The following RNF10 variants were observed in gnomAD, a reference collection of about 807,000 sequenced individuals.
RNF10 encodes the protein ring finger protein 10, also known as E3 ubiquitin-protein ligase RNF10.
A neutral mutation model predicts 91.4 loss-of-function variants in RNF10; 38 were observed. That is an observed-to-expected ratio of 0.42 (90% CI 0.32 to 0.54). The LOEUF is 0.54. Ranked by LOEUF, RNF10 falls within the 20% of genes least tolerant of loss-of-function variation. RNF10 has a pLI of 0.16. For synonymous variants in RNF10, 364 were observed against 366.3 expected, an observed-to-expected ratio of 0.99 and a Z score of 0.07; for missense variants, 945 against 1,012.0, an observed-to-expected ratio of 0.93 and a Z score of 0.90.
At chr12:120,563,186 C>T (rs921962357) in intron 8 of RNF10, 116 bp downstream of exon 8, 8 of 1,515,966 alleles carry the variant, frequency 5.3e-6, no homozygotes, top group African/African-American at 1.4e-5. Context: ...TGAGTATTTT[C>T]TGTATGCTTG....
At chr12:120,547,155 A>G (rs1872462828) in intron 2 of RNF10, among the ~76,000 whole-genome samples, 1 of 152,210 alleles carries the variant, frequency 6.6e-6, no homozygotes, top group East Asian at 1.9e-4. Context: ...AATAAGACAG[A>G]TAAAAAAAAT....
intron 16 of RNF10, 55 bp from the exon 17 acceptor site, chr12:120,576,535 C>G: frequency 6.3e-7 from 1 of 1,586,610 alleles, no homozygotes; most frequent in Non-Finnish European, 8.6e-7. Context: ...GAAAACTGGC[C>G]AGGGGACAAG....
Position 120,571,226 on chromosome 12 carries a change from C to G in RNF10, c.2077C>G (p.Gln693Glu), listed in dbSNP as rs1379450375. Reference sequence around the variant, plus strand: ...GACCCCTCTGTCACCCACTGCCAGTCAGGGCAGTCCCTCATTCTGCGTTGG... The same window carrying G: ...GACCCCTCTGTCACCCACTGCCAGTGAGGGCAGTCCCTCATTCTGCGTTGG... ...LLTPLSPTAS[Q>E]GSPSFCVGSL... is the part of the protein sequence containing the mutation. The change falls in exon 14 of 17, where the codon CAG (glutamine) becomes GAG (glutamate). Residue 693 changes from glutamine (Q) to glutamate (E), a missense_variant. Transcript: ENST00000325954. 9.3e-6 allele frequency: 15 copies of G among 1,613,866 alleles called. No individual in the cohort carries two copies. The highest frequency in any genetic ancestry group is 1.2e-5 in the Non-Finnish European group (14 of 1,179,890).
At chr12:120,563,646 C>T (rs1463602639) in intron 9 of RNF10, 23 bp downstream of exon 9, 2 of 1,579,624 alleles carry the variant, frequency 1.3e-6, no homozygotes, top group South Asian at 2.4e-5. Context: ...GAAGAGAGGG[C>T]TGGGTTGCCG....
intron 6 of RNF10, among the ~76,000 whole-genome samples, chr12:120,560,145 GTTTTTTTTGTTTTTT>G (rs2137216131): frequency 8.3e-6 from 1 of 120,012 alleles, no homozygotes; most frequent in East Asian, 2.8e-4. Flanking sequence ...TCTGTGTGTG[GTTTTTTTTGTTTTTT>G]TTTTTTTTGA....
chr12:120,575,705 G>C lies in RNF10; in HGVS notation c.2200+17G>C. 6.2e-7 allele frequency: 1 copy of C among 1,614,208 alleles called. No homozygotes were observed. Among genetic ancestry groups the C allele is most frequent in the Non-Finnish European group, 8.5e-7 (1 of 1,180,040 alleles). On this transcript the variant is annotated intron_variant, in intron 15 of 16. Coordinates refer to ENST00000325954, the MANE Select transcript of RNF10 (RefSeq NM_014868.5). ...CAAAGAAAGGTGAGGATGGTCCACT[G>C]GTGAAGGGGGAGTTTGGCTTCTTTC...
At chr12:120,561,832 A>G (rs1021083686) in intron 7 of RNF10, among the ~76,000 whole-genome samples, 2 of 152,206 alleles carry the variant, frequency 1.3e-5, no homozygotes, top group Non-Finnish European at 2.9e-5. Context: ...CAGGCATAAG[A>G]AAGGCTACAT....
At position 120,562,883 on chromosome 12, in the gene RNF10, C is replaced by T. The variant is rs575280398; in HGVS notation, c.1129-62C>T. On this transcript the variant is annotated intron_variant, in intron 7 of 16. Coordinates refer to ENST00000325954, the MANE Select transcript of RNF10 (RefSeq NM_014868.5). The stretch of plus-strand genomic sequence containing the variant: ...TGAGAGGCCATTCTAAGCCCTTGCC[C>T]TTCAAGCTAAGTGTGTGTCTGGAAA... 50 of 1,608,212 alleles carry T rather than the reference C, an allele frequency of 3.1e-5. No homozygotes were observed. In the African/African-American group the frequency reaches 6.0e-4, roughly 19 times the overall value.
chr12:120,557,411 A>G lies in RNF10; in HGVS notation c.775A>G (p.Thr259Ala). 6.2e-7 allele frequency: 1 copy of G among 1,614,190 alleles called. No individual in the cohort carries two copies. Reference sequence around the variant, plus strand: ...GCACTATCTTTCACTGAGTGAGAAGACGTGGAGTAAATGTCCCATCTGTTA... The same window carrying G: ...GCACTATCTTTCACTGAGTGAGAAGGCGTGGAGTAAATGTCCCATCTGTTA... ...ILHYLSLSEK[T>A]WSKCPICYSS... Residue 259 changes from threonine to alanine, a missense_variant, in exon 5 of 17, where the codon ACG (threonine) becomes GCG (alanine). Transcript: ENST00000325954.
At chr12:120,551,319 G>A (rs1433953091) in intron 2 of RNF10, among the ~76,000 whole-genome samples, 2 of 102,820 alleles carry the variant, frequency 1.9e-5, no homozygotes, top group Non-Finnish European at 3.9e-5. Flanking sequence ...TTTTGAAATG[G>A]AGTTTTGCTC....
intron 1 of RNF10, chr12:120,539,440 A>G: frequency 7.8e-7 from 1 of 1,288,428 alleles, no homozygotes; most frequent in Non-Finnish European, 1.0e-6. Context: ...GCCCCTCTGG[A>G]GGTGCTTGTC....
chr12:120,575,882 C>A lies in RNF10; in HGVS notation c.2291C>A (p.Ser764Tyr). The A allele has an allele frequency of 6.2e-7, 1 of 1,614,170 alleles. No individual in the cohort carries two copies. Among genetic ancestry groups the A allele is most frequent in the Non-Finnish European group, 8.5e-7 (1 of 1,180,030 alleles). ...GTTCCTGTGCCCAGTTTTCAAAATT[C>A]CTTCAGCCAAGCTATTGAAGCAGCC... ...DRVPVPSFQNSFSQAIEAAFM... is the reference protein window; with the variant it reads ...DRVPVPSFQNYFSQAIEAAFM... Residue 764 changes from serine to tyrosine, a missense_variant, in exon 16 of 17, where the codon TCC (serine) becomes TAC (tyrosine). Transcript: ENST00000325954.
rs181472536 is a variant in RNF10 at position 120,536,614 on chromosome 12, C to G, written c.157+1646C>G. On this transcript the variant is annotated intron_variant, in intron 1 of 16. Transcript: ENST00000325954. ...ATGTATGCAGACTGATTTTGCAGTT[C>G]TGCACATGCGTAGCTTTGCCATAGA... Among the ~76,000 whole-genome samples the G allele has an allele frequency of 1.0e-3, 156 of 152,324 alleles. 2 individuals are homozygous for G. In the East Asian group the frequency reaches 0.013, roughly 12 times the overall value.
At chr12:120,558,672 G>A (rs919239284) in intron 6 of RNF10, among the ~76,000 whole-genome samples, 1 of 150,686 alleles carries the variant, frequency 6.6e-6, no homozygotes, top group African/African-American at 2.4e-5. Context: ...GGGTTTGAGC[G>A]ATTCTCGTGC....
At chr12:120,555,474 A>G (rs1170235599) in intron 4 of RNF10, among the ~76,000 whole-genome samples, 1 of 142,156 alleles carries the variant, frequency 7.0e-6, no homozygotes, top group South Asian at 2.2e-4. Flanking sequence ...GAGCCACTCT[A>G]TCTGGCCCAG....
At position 120,557,678 on chromosome 12, in the gene RNF10, A is replaced by G. The variant is rs1285480228; in HGVS notation, c.963A>G (p.Leu321=). The G allele has an allele frequency of 1.2e-6, 2 of 1,614,176 alleles. No homozygotes were observed. The highest frequency in any genetic ancestry group is 3.3e-5 in the Admixed American group (2 of 60,016). Reference sequence around the variant, plus strand: ...TGAATGTAGACCATCCCATTCATCTAGGAGGTGAGTTCTTTAAATTTTGGG... The same window carrying G: ...TGAATGTAGACCATCCCATTCATCTGGGAGGTGAGTTCTTTAAATTTTGGG... The part of the protein sequence containing the change: ...KWMNVDHPIH[L]GDEQHSQYSK... Residue 321 remains leucine, a synonymous_variant, in exon 6 of 17, where the codon CTA becomes CTG. Transcript: ENST00000325954.
At chr12:120,535,090 C>G (rs1217540894) in intron 1 of RNF10, 122 bp downstream of exon 1, 2 of 1,076,034 alleles carry the variant, frequency 1.9e-6, no homozygotes, top group Non-Finnish European at 2.6e-6. Flanking sequence ...TCCTACCTGC[C>G]CTTTTCCATG....
At chr12:120,552,394 C>A in intron 2 of RNF10, 105 bp from the exon 3 acceptor site, 1 of 902,972 alleles carries the variant, frequency 1.1e-6, no homozygotes. Context: ...AGTAAGACTC[C>A]GTCTCAAAAA....
At chr12:120,546,777 C>T (rs1311547739) in intron 2 of RNF10, among the ~76,000 whole-genome samples, 176 bp downstream of exon 2, 1 of 152,080 alleles carries the variant, frequency 6.6e-6, no homozygotes, top group African/African-American at 2.4e-5. Flanking sequence ...TCCTTTTTTC[C>T]CCTGAAGGTT....
Sources: gnomAD v4.1 joint callset for allele counts (sites outside exome capture counted in the v4.1 genomes callset) on GRCh38, gnomAD v4.1.1 for gene constraint, MANE v1.5 for transcripts, NCBI Gene and HGNC (gene_info 2026-07-23, HGNC 2026-07-21) for gene names.